FAM117B: variants seen among roughly 807,000 people sequenced by gnomAD.
The protein encoded by FAM117B is family with sequence similarity 117 member B.
FAM117B carries 22 observed loss-of-function variants against 52.8 expected under a neutral mutation model. That is an observed-to-expected ratio of 0.42 (90% CI 0.30 to 0.59). FAM117B has a LOEUF of 0.59. FAM117B is among the 20% of genes least tolerant of loss of function. The probability of loss-of-function intolerance (pLI) is 0.22; values close to 1 mark genes in which losing one functional copy is unlikely to be tolerated. For synonymous variants in FAM117B, 309 were observed against 324.1 expected, an observed-to-expected ratio of 0.95 and a Z score of 0.50; for missense variants, 678 against 802.6, an observed-to-expected ratio of 0.84 and a Z score of 1.88.
intron 7 of FAM117B, among the ~76,000 whole-genome samples, chr2:202,761,523 TTTG>T (rs1275957522): frequency 6.6e-6 from 1 of 152,104 alleles, no homozygotes; most frequent in African/African-American, 2.4e-5. Context: ...TGTTTTTGTT[TTTG>T]TTTTTATTTT....
chr2:202,712,973 A>G (rs1416323799), intron 2 of FAM117B, among the ~76,000 whole-genome samples: 1 of 152,220 alleles, frequency 6.6e-6, no homozygotes, highest in Non-Finnish European at 1.5e-5. Context: ...ATCAATATTC[A>G]TCAGTGATAT....
At chr2:202,747,763 G>C (rs1357544130) in intron 4 of FAM117B, among the ~76,000 whole-genome samples, 1 of 151,880 alleles carries the variant, frequency 6.6e-6, no homozygotes, top group African/African-American at 2.4e-5. Flanking sequence ...GGAAATGAAA[G>C]ATATCTACAA....
rs1204571108 is a variant in FAM117B, at chr2:202,746,387, T to TA, written c.961-9142dup. Among the ~76,000 whole-genome samples the TA allele has an allele frequency of 1.2e-4, 18 of 150,728 alleles. No homozygotes were observed. The East Asian group carries it at 2.1e-3, about 18-fold the overall frequency. ...TTGGTCAATGAAGAAATAAAGGAAATAAAAAAAAATTTCTTGAAGCAAATG... is the reference window on the plus strand; with the variant it reads ...TTGGTCAATGAAGAAATAAAGGAAATAAAAAAAAAATTTCTTGAAGCAAATG... On this transcript the variant is annotated intron_variant, in intron 4 of 7. Coordinates refer to ENST00000392238, the MANE Select transcript of FAM117B (RefSeq NM_173511.4).
At chr2:202,699,426 CAAAAAAAAAAAAAAAAAAAA>C (rs751190825) in intron 2 of FAM117B, among the ~76,000 whole-genome samples, 1 of 17,914 alleles carries the variant, frequency 5.6e-5, no homozygotes, top group African/African-American at 1.8e-4. Flanking sequence ...GACCCCATCT[CAAAAAAAAAAAAAAAAAAAA>C]AAGAAAAAAA....
chr2:202,756,293 C>T (rs1574306005), intron 5 of FAM117B, among the ~76,000 whole-genome samples: 1 of 151,942 alleles, frequency 6.6e-6, no homozygotes, highest in Non-Finnish European at 1.5e-5. Flanking sequence ...GTGGTGCGTG[C>T]CTGTAATCCC....
At chr2:202,732,057 T>C (rs920795841) in intron 4 of FAM117B, among the ~76,000 whole-genome samples, 9 of 151,302 alleles carry the variant, frequency 5.9e-5, no homozygotes, top group Non-Finnish European at 1.3e-4. Flanking sequence ...TTTTTTTTTT[T>C]TTTTTGTATT....
In FAM117B at chr2:202,769,252, C is replaced by T. The variant is rs1353398987; in HGVS notation, c.*3488C>T. ...AAAAAGTCAGAATTTATAGCTTTCA[C>T]TATGTCCAAGACTAGGACTGGGTTA... On this transcript the variant is annotated 3_prime_UTR_variant, in exon 8 of 8. Transcript: ENST00000392238. 6.6e-6 allele frequency: 1 copy of T among 152,452 alleles called. No individual in the cohort carries two copies. The highest frequency in any genetic ancestry group is 1.5e-5 in the Non-Finnish European group (1 of 68,024). The allele number at this position is 152,452 out of a possible 1,614,324, so 9.4% of individuals were successfully genotyped here.
chr2:202,677,988 TCA>T (rs1384429217), intron 1 of FAM117B, among the ~76,000 whole-genome samples: 1 of 152,204 alleles, frequency 6.6e-6, no homozygotes, highest in East Asian at 1.9e-4. Flanking sequence ...ATAAAACAAC[TCA>T]CAAAGCAAAA....
At chr2:202,641,532 G>T (rs538856625) in intron 1 of FAM117B, among the ~76,000 whole-genome samples, 1 of 151,960 alleles carries the variant, frequency 6.6e-6, no homozygotes, top group Admixed American at 6.6e-5. Flanking sequence ...CACTTTACTT[G>T]TAAAAAGGGG....
At chr2:202,742,394 GTACA>G (rs1342170425) in intron 4 of FAM117B, among the ~76,000 whole-genome samples, 1 of 152,186 alleles carries the variant, frequency 6.6e-6, no homozygotes, top group African/African-American at 2.4e-5. Flanking sequence ...ATTGACTCAA[GTACA>G]TACAGAAATT....
At chr2:202,687,983 C>G (rs1471955987) in intron 1 of FAM117B, among the ~76,000 whole-genome samples, 1 of 152,016 alleles carries the variant, frequency 6.6e-6, no homozygotes, top group Non-Finnish European at 1.5e-5. Flanking sequence ...GGAGAAGATG[C>G]AAAATTAGAA....
chr2:202,669,929 A>C (rs921597402), intron 1 of FAM117B, among the ~76,000 whole-genome samples: 2 of 152,224 alleles, frequency 1.3e-5, no homozygotes, highest in African/African-American at 4.8e-5. Flanking sequence ...AAACATAGAT[A>C]GATGTGGCCA....
At chr2:202,707,726 CATCA>C (rs1690894214) in intron 2 of FAM117B, among the ~76,000 whole-genome samples, 1 of 151,782 alleles carries the variant, frequency 6.6e-6, no homozygotes, top group Non-Finnish European at 1.5e-5. Context: ...TCAGTCAGTC[CATCA>C]ATCAATCAAT....
chr2:202,758,906 A>T (rs574544151), intron 6 of FAM117B, among the ~76,000 whole-genome samples: 29 of 152,326 alleles, frequency 1.9e-4, no homozygotes, highest in Non-Finnish European at 4.0e-4. Flanking sequence ...GCAACCAATG[A>T]AGAACCATTT....
intron 2 of FAM117B, among the ~76,000 whole-genome samples, chr2:202,721,639 T>A (rs1691154521): frequency 6.6e-6 from 1 of 152,156 alleles, no homozygotes; most frequent in African/African-American, 2.4e-5. Context: ...GATGACATTA[T>A]TCCTTTTTTT....
chr2:202,731,308 C>A, intron 4 of FAM117B, among the ~76,000 whole-genome samples: 1 of 93,276 alleles, frequency 1.1e-5, no homozygotes, highest in African/African-American at 3.7e-5. Flanking sequence ...TAATAAGTGT[C>A]AGGGGAGGAT....
intron 3 of FAM117B, 187 bp downstream of exon 3, chr2:202,725,196 C>A: frequency 5.0e-6 from 2 of 402,844 alleles, no homozygotes; most frequent in South Asian, 6.1e-5. Context: ...ATTTATATAT[C>A]ACTTACCTGA....
intron 2 of FAM117B, among the ~76,000 whole-genome samples, chr2:202,712,649 C>G (rs1286579857): frequency 2.0e-5 from 3 of 151,938 alleles, no homozygotes; most frequent in African/African-American, 7.2e-5. Flanking sequence ...AAAGGGTTTC[C>G]ATTTTTCCCT....
chr2:202,667,391 A>G (rs1034076304), intron 1 of FAM117B, among the ~76,000 whole-genome samples: 4 of 152,090 alleles, frequency 2.6e-5, no homozygotes, highest in African/African-American at 9.7e-5. Flanking sequence ...ATGAGCCACC[A>G]CGCCCGGCCT....
Sources: gnomAD v4.1 joint callset for allele counts (sites outside exome capture counted in the v4.1 genomes callset) on GRCh38, gnomAD v4.1.1 for gene constraint, MANE v1.5 for transcripts, NCBI Gene and HGNC (gene_info 2026-07-23, HGNC 2026-07-21) for gene names.